VPS54: variants seen among roughly 807,000 people sequenced by gnomAD.
The protein encoded by VPS54 is VPS54 subunit of GARP complex.
In VPS54, 45 loss-of-function variants were observed where a neutral mutation model predicts 121.5. The ratio of observed to expected loss-of-function variants is 0.37; its 90% confidence interval spans 0.29 to 0.47. The LOEUF (loss-of-function observed/expected upper bound fraction) is 0.47. Among genes scored for constraint, VPS54 ranks in the 20% least tolerant of loss-of-function variants. The probability of loss-of-function intolerance (pLI) is 0.99; values close to 1 mark genes in which losing one functional copy is unlikely to be tolerated. For synonymous variants in VPS54, 371 were observed against 385.8 expected, an observed-to-expected ratio of 0.96 and a Z score of 0.45; for missense variants, 1,090 against 1,131.4, an observed-to-expected ratio of 0.96 and a Z score of 0.52.
chr2:63,928,498 T>A (rs182792894), intron 12 of VPS54, among the ~76,000 whole-genome samples: 17 of 152,036 alleles, frequency 1.1e-4, no homozygotes, highest in Non-Finnish European at 2.2e-4. Flanking sequence ...TTACAAGAGC[T>A]CCTGAAGGAA....
At chr2:63,950,212 T>C (rs768406774) in intron 7 of VPS54, among the ~76,000 whole-genome samples, 2 of 152,250 alleles carry the variant, frequency 1.3e-5, no homozygotes, top group African/African-American at 4.8e-5. Flanking sequence ...TCGGGCTTTA[T>C]GGTCTTCACA....
intron 4 of VPS54, among the ~76,000 whole-genome samples, chr2:63,971,735 T>C (rs751796442): frequency 6.6e-6 from 1 of 152,220 alleles, no homozygotes; most frequent in Non-Finnish European, 1.5e-5. Flanking sequence ...TTCTTTAAAC[T>C]TATTCAGGAC....
At chr2:63,983,684 C>T (rs914578646) in intron 2 of VPS54, among the ~76,000 whole-genome samples, 180 bp downstream of exon 2, 10 of 144,818 alleles carry the variant, frequency 6.9e-5, no homozygotes, top group Admixed American at 6.9e-5. Flanking sequence ...CCTCGTGAAC[C>T]GCCCACCTCA....
chr2:63,923,129 C>T (rs1055209385), intron 12 of VPS54, among the ~76,000 whole-genome samples: 11 of 152,046 alleles, frequency 7.2e-5, no homozygotes, highest in African/African-American at 2.4e-4. Flanking sequence ...CTGGCTAACA[C>T]ATGGTGAAAC....
intron 1 of VPS54, among the ~76,000 whole-genome samples, chr2:64,013,265 C>G (rs973794267): frequency 6.6e-6 from 1 of 152,150 alleles, no homozygotes; most frequent in African/African-American, 2.4e-5. Flanking sequence ...CCAGAAATGT[C>G]TGACTAGAAT....
intron 15 of VPS54, among the ~76,000 whole-genome samples, chr2:63,917,726 T>C (rs1673448522): frequency 6.6e-6 from 1 of 152,046 alleles, no homozygotes; most frequent in Non-Finnish European, 1.5e-5. Context: ...GGTTAAGGAC[T>C]GTGTCTTCAT....
chr2:63,913,451 CT>C (rs1043117034), intron 17 of VPS54, 141 bp from the exon 18 acceptor site: 7 of 469,192 alleles, frequency 1.5e-5, no homozygotes, highest in African/African-American at 1.4e-4. Context: ...CAATTAGTAT[CT>C]ATTTATTTAA....
chr2:64,015,622 T>C (rs1678648305), intron 1 of VPS54, among the ~76,000 whole-genome samples: 2 of 152,196 alleles, frequency 1.3e-5, no homozygotes, highest in Admixed American at 6.5e-5. Flanking sequence ...CAACCAAAAA[T>C]GTCTCTAGAC....
intron 1 of VPS54, among the ~76,000 whole-genome samples, chr2:64,002,209 T>A (rs955081656): frequency 2.6e-5 from 4 of 152,154 alleles, no homozygotes. Context: ...AGTCGCTGCA[T>A]GGGGGATGGG....
chr2:63,950,699 A>G (rs1413081585), intron 7 of VPS54, among the ~76,000 whole-genome samples: 3 of 152,226 alleles, frequency 2.0e-5, no homozygotes, highest in East Asian at 1.9e-4. Flanking sequence ...CATTTGCACA[A>G]AACAGTAAGA....
intron 20 of VPS54, among the ~76,000 whole-genome samples, chr2:63,909,725 G>GTTTTTGTTTTTTT (rs747731456): frequency 0.15 from 16,965 of 113,928 alleles, 1,618 homozygotes; most frequent in Non-Finnish European, 0.22. Context: ...GCCGTTTTTG[G>GTTTTTGTTTTTTT]TTTTTTTTTT....
Position 63,893,323 on chromosome 2 carries a change from G to C in VPS54, c.*107C>G, listed in dbSNP as rs1672303827. The stretch of plus-strand genomic sequence containing the variant: ...TTCCTTTTTCCCTTCCCCCACCCCA[G>C]TTCACTTTGGGTTTCAGGTTCAATT... On this transcript the variant is annotated 3_prime_UTR_variant, in exon 23 of 23. Transcript: ENST00000272322. The C allele has an allele frequency of 1.0e-6, 1 of 971,992 alleles. No individual in the cohort carries two copies. 60.2% of individuals were successfully genotyped at this position (971,992 alleles called of 1,614,324 possible).
intron 3 of VPS54, among the ~76,000 whole-genome samples, chr2:63,977,731 A>T (rs1301633225): frequency 6.6e-6 from 1 of 152,188 alleles, no homozygotes; most frequent in East Asian, 1.9e-4. Context: ...GTCTGTTTAA[A>T]CAGTGTTTTC....
At chr2:63,987,450 C>A (rs528867801) in intron 1 of VPS54, among the ~76,000 whole-genome samples, 1 of 150,914 alleles carries the variant, frequency 6.6e-6, no homozygotes, top group East Asian at 1.9e-4. Flanking sequence ...AATTTGAAAT[C>A]ACATCATGCG....
intron 7 of VPS54, among the ~76,000 whole-genome samples, chr2:63,961,558 A>T (rs1246803447): frequency 1.3e-5 from 2 of 152,226 alleles, no homozygotes; most frequent in Non-Finnish European, 2.9e-5. Flanking sequence ...AAATATTTAA[A>T]ACCTAAGGTA....
chr2:63,897,556 A>G lies in VPS54; in HGVS notation c.2768T>C (p.Leu923Pro), dbSNP rs1242994156. 1 of 1,594,942 alleles carries G rather than the reference A, an allele frequency of 6.3e-7. No individual in the cohort carries two copies. The highest frequency in any genetic ancestry group is 1.7e-5 in the Admixed American group (1 of 57,534). Reference sequence around the variant, plus strand: ...GTGAGATAACTGCTTTTTCAAGTGGAGTTTATAACTTGCATTAATTCTTAA... The same window carrying G: ...GTGAGATAACTGCTTTTTCAAGTGGGGTTTATAACTTGCATTAATTCTTAA... ...LFLRINASYK[L>P]HLKKQLSHLN... Residue 923 changes from leucine (L) to proline (P), a missense_variant, in exon 22 of 23, where the codon CTC (leucine) becomes CCC (proline). By Grantham distance (98) the Leu-to-Pro change is moderately conservative. Transcript: ENST00000272322.
intron 12 of VPS54, 95 bp downstream of exon 12, chr2:63,933,578 C>G: frequency 8.6e-7 from 1 of 1,160,484 alleles, no homozygotes; most frequent in Non-Finnish European, 1.2e-6. Flanking sequence ...CTAAAATTTA[C>G]ATGGTTTTTC....
intron 1 of VPS54, among the ~76,000 whole-genome samples, chr2:63,992,294 A>C (rs1386599110): frequency 6.6e-6 from 1 of 152,234 alleles, no homozygotes; most frequent in Non-Finnish European, 1.5e-5. Flanking sequence ...ACATTCAAGG[A>C]AAAAAGTTTG....
At chr2:63,959,571 T>A (rs1393756332) in intron 7 of VPS54, among the ~76,000 whole-genome samples, 1 of 152,098 alleles carries the variant, frequency 6.6e-6, no homozygotes, top group Non-Finnish European at 1.5e-5. Context: ...AATCAGAACA[T>A]CTGAAAGTCT....
Sources: gnomAD v4.1 joint callset for allele counts (sites outside exome capture counted in the v4.1 genomes callset) on GRCh38, gnomAD v4.1.1 for gene constraint, MANE v1.5 for transcripts, NCBI Gene and HGNC (gene_info 2026-07-23, HGNC 2026-07-21) for gene names.